The following TXNRD1 variants were observed in gnomAD, a reference collection of about 807,000 sequenced individuals.
TXNRD1 encodes thioredoxin reductase 1, also known as thioredoxin reductase 1, cytoplasmic.
TXNRD1 carries 57 observed loss-of-function variants against 80.3 expected under a neutral mutation model. The observed-to-expected ratio is 0.71, with a 90% CI of 0.57 to 0.89. TXNRD1 has a LOEUF of 0.89. Among genes scored for constraint, TXNRD1 ranks in the 40% least tolerant of loss-of-function variants. The pLI is 0.00. For missense variants in TXNRD1, 730 were observed against 803.0 expected (o/e 0.91, Z 1.10); for synonymous variants, 291 against 285.2 (o/e 1.02, Z -0.20).
chr12:104,326,276 GA>G, intron 11 of TXNRD1, 70 bp from the exon 12 acceptor site: 2 of 1,072,946 alleles, frequency 1.9e-6, no homozygotes, highest in Admixed American at 2.8e-5. Flanking sequence ...AATAAGCAGA[GA>G]AAAATATGAT....
chr12:104,263,767 T>A (rs2033418757), intron 3 of TXNRD1, among the ~76,000 whole-genome samples: 1 of 152,216 alleles, frequency 6.6e-6, no homozygotes, highest in Non-Finnish European at 1.5e-5. Flanking sequence ...TGATGTGTAT[T>A]ATTCATGTCT....
At chr12:104,305,524 G>C (rs1262057398) in intron 4 of TXNRD1, among the ~76,000 whole-genome samples, 2 of 152,234 alleles carry the variant, frequency 1.3e-5, no homozygotes, top group Non-Finnish European at 2.9e-5. Flanking sequence ...TGAGGTATCA[G>C]CTAAGGGTGA....
chr12:104,303,839 T>G, intron 4 of TXNRD1: 1 of 1,436,540 alleles, frequency 7.0e-7, no homozygotes, highest in South Asian at 1.5e-5. Context: ...TGAAAAAGCT[T>G]CCCGGAAGGG....
intron 1 of TXNRD1, among the ~76,000 whole-genome samples, chr12:104,247,930 C>T (rs1171423339): frequency 6.6e-6 from 1 of 152,104 alleles, no homozygotes; most frequent in Non-Finnish European, 1.5e-5. Context: ...CTGACTGGAC[C>T]TCAGTTTCCT....
rs2035062855 is a variant in TXNRD1, at chr12:104,309,838, A to T, written c.415-1452A>T. 6 of 1,535,140 alleles carry T rather than the reference A, an allele frequency of 3.9e-6. No individual in the cohort carries two copies. In the South Asian group the frequency reaches 7.2e-5, roughly 18 times the overall value. ...TGTGTTTACCAGCCTCTTGTGCTAG[A>T]CCTTTTGTGCAGACTGTCAGAGTGG... On this transcript the variant is annotated intron_variant, in intron 4 of 16. Transcript: ENST00000525566.
At chr12:104,326,459 G>T in intron 12 of TXNRD1, 36 bp downstream of exon 12, 16 of 810,544 alleles carry the variant, frequency 2.0e-5, no homozygotes, top group East Asian at 3.6e-5. Flanking sequence ...ATATTTGTGG[G>T]ATTTTTTTTT....
At chr12:104,256,332 T>A (rs1268260810) in intron 2 of TXNRD1, among the ~76,000 whole-genome samples, 1 of 152,228 alleles carries the variant, frequency 6.6e-6, no homozygotes, top group Non-Finnish European at 1.5e-5. Context: ...GTGTTTTGCG[T>A]GCATCTTGCT....
chr12:104,223,071 C>T (rs2032388602), intron 1 of TXNRD1, among the ~76,000 whole-genome samples: 3 of 152,114 alleles, frequency 2.0e-5, no homozygotes, highest in African/African-American at 7.2e-5. Flanking sequence ...TCTTTACTTC[C>T]AAGTTTGGAC....
At chr12:104,267,276 T>TTTCC (rs1165361396) in intron 3 of TXNRD1, among the ~76,000 whole-genome samples, 8 of 147,380 alleles carry the variant, frequency 5.4e-5, no homozygotes, top group African/African-American at 2.0e-4. Context: ...TCTTTCTTTC[T>TTTCC]TTCTTTCCTC....
intron 3 of TXNRD1, among the ~76,000 whole-genome samples, chr12:104,259,258 G>A (rs1174850631): frequency 5.3e-5 from 8 of 151,116 alleles, no homozygotes; most frequent in South Asian, 2.1e-4. Context: ...GTGTGCACCT[G>A]TAGTCCCAGC....
At chr12:104,260,110 G>C (rs1270866904) in intron 3 of TXNRD1, among the ~76,000 whole-genome samples, 1 of 152,114 alleles carries the variant, frequency 6.6e-6, no homozygotes, top group Non-Finnish European at 1.5e-5. Context: ...GAGGTGGGAG[G>C]ATTGCCTGAG....
chr12:104,305,554 A>G (rs2034873168), intron 4 of TXNRD1, among the ~76,000 whole-genome samples: 1 of 152,240 alleles, frequency 6.6e-6, no homozygotes, highest in South Asian at 2.1e-4. Context: ...AGAAACACGA[A>G]GAAGGAAAAG....
intron 4 of TXNRD1, among the ~76,000 whole-genome samples, chr12:104,299,561 G>A (rs1480428248): frequency 6.6e-6 from 1 of 152,064 alleles, no homozygotes; most frequent in East Asian, 1.9e-4. Flanking sequence ...GAGGTCAGGA[G>A]TTCGAGACCA....
At position 104,313,366 on chromosome 12, in the gene TXNRD1, C is replaced by A; in HGVS notation, c.610+49C>A. The A allele has an allele frequency of 2.8e-6, 4 of 1,427,596 alleles. No homozygotes were observed. The South Asian group carries it at 5.3e-5, about 19-fold the overall frequency. 88.4% of individuals were successfully genotyped at this position (1,427,596 alleles called of 1,614,324 possible). A position where few individuals can be genotyped will look rare whatever the true frequency, so the allele number is the denominator to read the frequency against. The stretch of plus-strand genomic sequence containing the variant: ...AGTGATGTTGCCGAAGTAGTTTTCC[C>A]CTGGCAATAATCTAACTGGTTCCTA... On this transcript the variant is annotated intron_variant, in intron 6 of 16. Transcript: ENST00000525566.
intron 1 of TXNRD1, among the ~76,000 whole-genome samples, chr12:104,216,884 A>T (rs1490875259): frequency 2.0e-5 from 3 of 152,218 alleles, no homozygotes; most frequent in Non-Finnish European, 4.4e-5. Context: ...GTTTAGTTAC[A>T]AGGCAGCATA....
At chr12:104,272,757 A>T (rs1593736036) in intron 3 of TXNRD1, among the ~76,000 whole-genome samples, 1 of 151,156 alleles carries the variant, frequency 6.6e-6, no homozygotes, top group Non-Finnish European at 1.5e-5. Context: ...GCACCACTGC[A>T]CTCTAGCCTG....
chr12:104,318,947 A>G lies in TXNRD1; in HGVS notation c.765A>G (p.Val255=). 6.2e-7 allele frequency: 1 copy of G among 1,613,932 alleles called. No individual in the cohort carries two copies. Among genetic ancestry groups the G allele is most frequent in the East Asian group, 2.2e-5 (1 of 44,876 alleles). Residue 255 remains valine (V), a synonymous_variant, in exon 8 of 17, where the codon GTA becomes GTG. Coordinates refer to ENST00000525566, the MANE Select transcript of TXNRD1 (RefSeq NM_001093771.3). ...ATTGGGACAGAATGATAGAAGCTGT[A>G]CAGAATCACATTGGCTCTTTGAATT... ...KHDWDRMIEA[V]QNHIGSLNWG...
intron 1 of TXNRD1, among the ~76,000 whole-genome samples, chr12:104,219,762 G>A (rs2135672193): frequency 6.6e-6 from 1 of 151,980 alleles, no homozygotes; most frequent in South Asian, 2.1e-4. Flanking sequence ...GTGTTTATAT[G>A]ACTCATATGG....
rs80033556 is a variant in TXNRD1 at position 104,226,334 on chromosome 12, G to T, written c.91+10441G>T. ...CTAGCTTAGGTTGTAGATGCTGAAC[G>T]CTGTGGGCTCACTGACCCTTGCCTA... On this transcript the variant is annotated intron_variant, in intron 1 of 16. Coordinates refer to ENST00000525566, the MANE Select transcript of TXNRD1 (RefSeq NM_001093771.3). Among the ~76,000 whole-genome samples, 484 of 152,320 alleles carry T rather than the reference G, an allele frequency of 3.2e-3. 1 individual carries two copies. The highest frequency in any genetic ancestry group is 0.011 in the African/African-American group (461 of 41,574).
Sources: gnomAD v4.1 joint callset for allele counts (sites outside exome capture counted in the v4.1 genomes callset) on GRCh38, gnomAD v4.1.1 for gene constraint, MANE v1.5 for transcripts, NCBI Gene and HGNC (gene_info 2026-07-23, HGNC 2026-07-21) for gene names.